ABCA3: variants seen among roughly 807,000 people sequenced by gnomAD.
The protein encoded by ABCA3 is ATP binding cassette subfamily A member 3.
Under a neutral mutation model 172.8 loss-of-function variants are expected in ABCA3, and 88 were observed. That is an observed-to-expected ratio of 0.51 (90% confidence interval 0.43 to 0.61). ABCA3 has a LOEUF of 0.61. Ranked by LOEUF, ABCA3 falls within the 20% of genes least tolerant of loss-of-function variation. The probability of loss-of-function intolerance (pLI) is 0.00; values close to 1 mark genes in which losing one functional copy is unlikely to be tolerated. For synonymous variants in ABCA3, 1,066 were observed against 983.8 expected, an observed-to-expected ratio of 1.08 and a Z score of -1.56; for missense variants, 2,164 against 2,301.0, an observed-to-expected ratio of 0.94 and a Z score of 1.22.
chr16:2,315,693 C>A (rs1171471327), intron 10 of ABCA3, among the ~76,000 whole-genome samples: 1 of 151,830 alleles, frequency 6.6e-6, no homozygotes, highest in East Asian at 1.9e-4. Context: ...GAGACAGGGT[C>A]CCTCTCGTTC....
At chr16:2,321,812 G>A (rs944483172) in intron 7 of ABCA3, among the ~76,000 whole-genome samples, 1 of 152,112 alleles carries the variant, frequency 6.6e-6, no homozygotes, top group African/African-American at 2.4e-5. Context: ...AAGGACCACG[G>A]AGCTAAAAAT....
At chr16:2,289,961 T>TCACACA (rs3138606) in intron 19 of ABCA3, among the ~76,000 whole-genome samples, 12,237 of 138,156 alleles carry the variant, frequency 0.089, 554 homozygotes, top group East Asian at 0.15. Context: ...GTGAATTACA[T>TCACACA]CACACACACA....
At chr16:2,299,937 G>C (rs2093686274) in intron 13 of ABCA3, 68 bp downstream of exon 13, 1 of 1,601,310 alleles carries the variant, frequency 6.2e-7, no homozygotes, top group Non-Finnish European at 8.5e-7. Context: ...AGGTCTCACT[G>C]CCGTGCTGGT....
intron 1 of ABCA3, among the ~76,000 whole-genome samples, chr16:2,335,324 T>C (rs2093750074): frequency 6.6e-6 from 1 of 152,132 alleles, no homozygotes; most frequent in African/African-American, 2.4e-5. Context: ...GTTTGTTTGT[T>C]TCCTGTAGGG....
intron 10 of ABCA3, among the ~76,000 whole-genome samples, 167 bp from the exon 11 acceptor site, chr16:2,308,790 G>C (rs2093702060): frequency 6.6e-6 from 1 of 152,132 alleles, no homozygotes; most frequent in Non-Finnish European, 1.5e-5. Flanking sequence ...GGGACACCAG[G>C]TGTGGCCGGC....
chr16:2,281,276 C>T lies in ABCA3; in HGVS notation c.4165-55G>A. ...GCGGAGGCCTGGACGCAAAGCAGAG[C>T]AGTCTGAGCCTCAGCGCCGAAAGCT... On this transcript the variant is annotated intron_variant, in intron 27 of 32. Coordinates refer to ENST00000301732, the MANE Select transcript of ABCA3 (RefSeq NM_001089.3). This position sits in a 1 kb window ranked among gnomAD's most constrained non-coding sequence, Gnocchi z 4.7. The T allele has an allele frequency of 6.2e-7, 1 of 1,613,126 alleles. No homozygotes were observed. Among genetic ancestry groups the T allele is most frequent in the Non-Finnish European group, 8.5e-7 (1 of 1,179,844 alleles).
intron 12 of ABCA3, among the ~76,000 whole-genome samples, chr16:2,301,985 C>A (rs1299593552): frequency 6.6e-6 from 1 of 152,262 alleles, no homozygotes; most frequent in Admixed American, 6.5e-5. Flanking sequence ...CGGAAAACCG[C>A]TTAAAGGCAT....
At chr16:2,288,356 C>G in intron 20 of ABCA3, 27 bp from the exon 21 acceptor site, 1 of 1,537,362 alleles carries the variant, frequency 6.5e-7, no homozygotes, top group Non-Finnish European at 8.7e-7. Flanking sequence ...GCAGGTGACA[C>G]CGGCACCGCT....
intron 1 of ABCA3, among the ~76,000 whole-genome samples, chr16:2,337,033 C>T (rs973705744): frequency 1.3e-5 from 2 of 151,604 alleles, no homozygotes; most frequent in Non-Finnish European, 2.9e-5. Flanking sequence ...CCTCCTCAGC[C>T]TCCACAGTAG....
chr16:2,307,574 C>T (rs1464336619), intron 11 of ABCA3, among the ~76,000 whole-genome samples: 2 of 152,028 alleles, frequency 1.3e-5, no homozygotes, highest in East Asian at 1.9e-4. Context: ...GAAAAAAAGT[C>T]CTCAAAACCC....
At chr16:2,337,487 C>T (rs958177379) in intron 1 of ABCA3, among the ~76,000 whole-genome samples, 2 of 151,466 alleles carry the variant, frequency 1.3e-5, no homozygotes, top group African/African-American at 4.9e-5. Flanking sequence ...GATCCTCCCA[C>T]CTCAGTCTCC....
At chr16:2,294,680 G>A (rs1266161391) in intron 18 of ABCA3, among the ~76,000 whole-genome samples, 11 of 152,022 alleles carry the variant, frequency 7.2e-5, no homozygotes, top group Non-Finnish European at 1.5e-4. Context: ...GCAAGACCTT[G>A]TTTTTAAAAT....
At position 2,286,776 on chromosome 16, in the gene ABCA3, A is replaced by G; in HGVS notation, c.3196T>C (p.Cys1066Arg). 6.2e-7 allele frequency: 1 copy of G among 1,614,146 alleles called. No individual in the cohort carries two copies. The highest frequency in any genetic ancestry group is 8.5e-7 in the Non-Finnish European group (1 of 1,180,024). ...VVDNLLFKLL[C>R]GPHASIVVSN... ...ACCACAATGGAGGCGTGAGGCCCGC[A>G]CAGCAGCTTGAACAGAAGGTTGTCC... The change falls in exon 22 of 33, where the codon TGC becomes CGC. Residue 1066 changes from cysteine to arginine, a missense_variant. By Grantham distance (180) the Cys-to-Arg change is radical (BLOSUM62 -3). Coordinates refer to ENST00000301732, the MANE Select transcript of ABCA3 (RefSeq NM_001089.3). The surrounding 1 kb of genome is among the most constrained non-coding windows in gnomAD (Gnocchi z 5.2).
chr16:2,316,827 TA>T (rs1434044149), intron 10 of ABCA3, among the ~76,000 whole-genome samples: 2 of 151,784 alleles, frequency 1.3e-5, no homozygotes, highest in African/African-American at 4.8e-5. Flanking sequence ...AGGTAATCAC[TA>T]AAAAAAGAGA....
At position 2,281,441 on chromosome 16, in the gene ABCA3, G is replaced by A. The variant is rs767032111; in HGVS notation, c.4104C>T (p.Ile1368=). The stretch of plus-strand genomic sequence containing the variant: ...GCAGGGAGTCCGGACTGGGGGCCAG[G>A]ATGCGGGTCCTCTCGTCCGCTACAT... ...DQDVADERTR[I]LAPSPDSLLH... is the part of the protein sequence containing the mutation. Residue 1368 remains isoleucine (I), a synonymous_variant, in exon 27 of 33, where the codon ATC becomes ATT. Transcript: ENST00000301732. This position sits in a 1 kb window ranked among gnomAD's most constrained non-coding sequence, Gnocchi z 4.7. 1.9e-6 allele frequency: 3 copies of A among 1,613,726 alleles called. No homozygotes were observed. Among genetic ancestry groups the A allele is most frequent in the South Asian group, 1.1e-5 (1 of 91,088 alleles).
In ABCA3 at chr16:2,324,351, A is replaced by T. The variant is rs2093730791; in HGVS notation, c.447+53T>A. ...AGGTTGAACTAGTGACGCGGGAGGAAGCGGAGGCCTTGCTGATGGGCTGTG... is the reference window on the plus strand; with the variant it reads ...AGGTTGAACTAGTGACGCGGGAGGATGCGGAGGCCTTGCTGATGGGCTGTG... On this transcript the variant is annotated intron_variant, in intron 6 of 32. Transcript: ENST00000301732. 3.9e-6 allele frequency: 6 copies of T among 1,544,910 alleles called. No homozygotes were observed. The South Asian group carries it at 7.1e-5, about 18-fold the overall frequency.
Position 2,308,608 on chromosome 16 carries a change from G to A in ABCA3, c.1127C>T (p.Ala376Val), listed in dbSNP as rs1463365045. 2 of 1,614,082 alleles carry A rather than the reference G, an allele frequency of 1.2e-6. No individual in the cohort carries two copies. Among genetic ancestry groups the A allele is most frequent in the Non-Finnish European group, 1.7e-6 (2 of 1,179,962 alleles). ...GAAGAAGTAGAGGAAGCCTCCGAAG[G>A]CTGCTGCCATGTTGGCTGCAGGTGT... ...TFFSKANMAA[A>V]FGGFLYFFTY... Residue 376 changes from alanine to valine, a missense_variant, in exon 11 of 33, where the codon GCC (alanine) becomes GTC (valine). Ala to Val is a moderately conservative substitution (Grantham distance 64, BLOSUM62 0). Transcript: ENST00000301732.
At position 2,286,759 on chromosome 16, in the gene ABCA3, G is replaced by T. The variant is rs745585808; in HGVS notation, c.3213C>A (p.Ser1071=). The T allele has an allele frequency of 2.5e-6, 4 of 1,613,964 alleles. No homozygotes were observed. The South Asian group carries it at 4.4e-5, about 18-fold the overall frequency. The change falls in exon 22 of 33, where the codon TCC becomes TCA. Residue 1071 remains serine, a synonymous_variant. Coordinates refer to ENST00000301732, the MANE Select transcript of ABCA3 (RefSeq NM_001089.3). This position sits in a 1 kb window ranked among gnomAD's most constrained non-coding sequence, Gnocchi z 5.2. ...GCTGGGGGAAGTTGGAGACCACAAT[G>T]GAGGCGTGAGGCCCGCACAGCAGCT... ...LFKLLCGPHA[S]IVVSNFPQPR...
intron 9 of ABCA3, 57 bp downstream of exon 9, chr16:2,317,591 C>G (rs886142235): frequency 6.2e-7 from 1 of 1,602,454 alleles, no homozygotes; most frequent in Admixed American, 1.7e-5. Flanking sequence ...AGAGGGCCCT[C>G]CTGGGGTGCC....
Sources: gnomAD v4.1 joint callset for allele counts (sites outside exome capture counted in the v4.1 genomes callset) on GRCh38, gnomAD v4.1.1 for gene constraint, Gnocchi (gnomAD v3.1) non-coding constraint, MANE v1.5 for transcripts, NCBI Gene and HGNC (gene_info 2026-07-23, HGNC 2026-07-21) for gene names.